ATP12A: variants seen among roughly 807,000 people sequenced by gnomAD.
The protein encoded by ATP12A is potassium-transporting ATPase alpha chain 2.
ATP12A carries 81 observed loss-of-function variants against 111.2 expected under a neutral mutation model. That is an observed-to-expected ratio of 0.73 (90% confidence interval 0.61 to 0.88). ATP12A has a LOEUF of 0.88. ATP12A is among the 40% of genes least tolerant of loss of function. The probability of loss-of-function intolerance (pLI) is 0.00; values close to 1 mark genes in which losing one functional copy is unlikely to be tolerated. For missense variants in ATP12A, 1,196 were observed against 1,313.1 expected (o/e 0.91, Z 1.38); for synonymous variants, 498 against 499.8 (o/e 1.00, Z 0.05).
intron 18 of ATP12A, 53 bp from the exon 19 acceptor site, chr13:24,709,630 C>G: frequency 6.2e-7 from 1 of 1,602,242 alleles, no homozygotes; most frequent in Non-Finnish European, 8.5e-7. Context: ...CAGGATGAGG[C>G]AGTTTCCTGA....
intron 13 of ATP12A, among the ~76,000 whole-genome samples, chr13:24,701,551 GA>G (rs1875398979): frequency 6.9e-6 from 1 of 145,752 alleles, no homozygotes; most frequent in African/African-American, 2.5e-5. Context: ...AAAAAAGAAA[GA>G]AAAAAGGCTT....
At position 24,711,303 on chromosome 13, in the gene ATP12A, T is replaced by C. The variant is rs1224576406; in HGVS notation, c.3000-15T>C. The C allele has an allele frequency of 6.3e-6, 10 of 1,584,202 alleles. No individual in the cohort carries two copies. The highest frequency in any genetic ancestry group is 8.6e-6 in the Non-Finnish European group (10 of 1,163,492). On this transcript the variant is annotated splice_polypyrimidine_tract_variant and intron_variant, in intron 21 of 22. Transcript: ENST00000381946. ...TGGATGAGTCAGGGTTCACTTTCCA[T>C]CCCTTTGCTTCCAGGGCTCAGTACT...
At chr13:24,681,755 A>ATGGCCCTTCCCCGCAAGAGCT in intron 2 of ATP12A, 35 bp downstream of exon 2, 2 of 1,612,864 alleles carry the variant, frequency 1.2e-6, no homozygotes, top group Non-Finnish European at 8.5e-7. Flanking sequence ...CCTGCCGGCT[A>ATGGCCCTTCCCCGCAAGAGCT]TGGCCCTTCC....
Position 24,709,506 on chromosome 13 carries a change from T to G in ATP12A, c.2617+19T>G. The G allele has an allele frequency of 1.9e-6, 3 of 1,610,964 alleles. No individual in the cohort carries two copies. In the East Asian group the frequency reaches 6.7e-5, roughly 36 times the overall value. On this transcript the variant is annotated intron_variant, in intron 18 of 22. Coordinates refer to ENST00000381946, the MANE Select transcript of ATP12A (RefSeq NM_001676.7). ...CACATTGGTACGATGAGGGCGCGTC[T>G]TCCCCATCACACGAGGGCCTGCCCC...
At chr13:24,709,585 C>T (rs1875871188) in intron 18 of ATP12A, 98 bp downstream of exon 18, 2 of 1,593,540 alleles carry the variant, frequency 1.3e-6, no homozygotes, top group African/African-American at 1.3e-5. Context: ...TCCTGTGGGG[C>T]CTGGGTTGGG....
At chr13:24,694,270 G>A (rs1187876913) in intron 10 of ATP12A, among the ~76,000 whole-genome samples, 174 bp from the exon 11 acceptor site, 1 of 152,154 alleles carries the variant, frequency 6.6e-6, no homozygotes, top group Non-Finnish European at 1.5e-5. Flanking sequence ...AATGCCAGTA[G>A]GTGGCACTGT....
intron 15 of ATP12A, 44 bp from the exon 16 acceptor site, chr13:24,706,979 T>C: frequency 6.5e-7 from 1 of 1,545,556 alleles, no homozygotes; most frequent in East Asian, 2.3e-5. Context: ...TGCAACCCAC[T>C]GGGCCTGCTC....
rs1396950760 is a variant in ATP12A at position 24,708,954 on chromosome 13, AAAGAAAGAAGG to A, written c.2494-407_2494-397del. Among the ~76,000 whole-genome samples the A allele has an allele frequency of 9.8e-4, 119 of 121,120 alleles. 3 individuals carry two copies. Among genetic ancestry groups the A allele is most frequent in the African/African-American group, 3.3e-3 (107 of 32,268 alleles). The allele number at this position is 121,120 out of a possible 152,430, so 79.5% of individuals were successfully genotyped here. On this transcript the variant is annotated intron_variant, in intron 17 of 22. Coordinates refer to ENST00000381946, the MANE Select transcript of ATP12A (RefSeq NM_001676.7). ...GAAAGAAAGAAAGAAAGAAAGAAAG[AAAGAAAGAAGG>A]AAAGAGAAAGAGAAATGAATGCAAA...
intron 4 of ATP12A, among the ~76,000 whole-genome samples, chr13:24,688,803 C>T (rs894884837): frequency 1.3e-5 from 2 of 152,192 alleles, no homozygotes; most frequent in African/African-American, 2.4e-5. Context: ...CTTCCTTTAA[C>T]ACGGAGAGCA....
Position 24,685,460 on chromosome 13 carries a change from A to G in ATP12A, c.228+87A>G. On this transcript the variant is annotated intron_variant, in intron 3 of 22. Coordinates refer to ENST00000381946, the MANE Select transcript of ATP12A (RefSeq NM_001676.7). This position sits in a 1 kb window ranked among gnomAD's most constrained non-coding sequence, Gnocchi z 5.5. Reference sequence around the variant, plus strand: ...TGTGTGGCGGGGGGCTGTGTGGAAGAGTAGCGGCACCTTTAGGAGGAGGGG... The same window carrying G: ...TGTGTGGCGGGGGGCTGTGTGGAAGGGTAGCGGCACCTTTAGGAGGAGGGG... 3.6e-6 allele frequency: 5 copies of G among 1,405,578 alleles called. No homozygotes were observed. The highest frequency in any genetic ancestry group is 5.0e-6 in the Non-Finnish European group (5 of 992,240). 87.1% of individuals were successfully genotyped at this position (1,405,578 alleles called of 1,614,324 possible).
chr13:24,682,200 ATGTGTGTGG>A (rs1347797830), intron 2 of ATP12A, among the ~76,000 whole-genome samples: 10 of 40,324 alleles, frequency 2.5e-4, no homozygotes, highest in Non-Finnish European at 3.3e-4. Context: ...TGTGGTATAT[ATGTGTGTGG>A]TGTGTGTGGT....
Position 24,702,030 on chromosome 13 carries a change from T to G in ATP12A, c.1977T>G (p.Ile659Met). 6.2e-7 allele frequency: 1 copy of G among 1,614,226 alleles called. No homozygotes were observed. The highest frequency in any genetic ancestry group is 8.5e-7 in the Non-Finnish European group (1 of 1,180,036). The change falls in exon 14 of 23, where the codon ATT becomes ATG. Residue 659 changes from isoleucine to methionine, a missense_variant. Around this residue, in one of 3 missense-constraint regions of ATP12A, gnomAD observed 1,126 missense variants for 1,228.5 expected, o/e 0.92. Coordinates refer to ENST00000381946, the MANE Select transcript of ATP12A (RefSeq NM_001676.7). ...ISANSETVED[I>M]AHRLNIAVEQ... ...CCAACAGTGAAACAGTGGAAGACAT[T>G]GCACATCGCCTCAACATTGCTGTGG...
chr13:24,696,796 T>C (rs1875188665), intron 11 of ATP12A, among the ~76,000 whole-genome samples: 1 of 149,822 alleles, frequency 6.7e-6, no homozygotes, highest in Admixed American at 6.6e-5. Flanking sequence ...TCGGAGGTGC[T>C]GTCTGGATGC....
chr13:24,711,829 T>TTG lies in ATP12A; in HGVS notation c.*311_*312dup. 2.3e-6 allele frequency: 1 copy of TTG among 432,844 alleles called. No individual in the cohort carries two copies. The highest frequency in any genetic ancestry group is 2.3e-5 in the South Asian group (1 of 43,832). The allele number at this position is 432,844 out of a possible 1,614,324, so 26.8% of individuals were successfully genotyped here. ...TTGAAACTCCTTGATGTTAATAGTC[T>TTG]TGTGTAACCCAGGCATCTACTGGGG... On this transcript the variant is annotated 3_prime_UTR_variant, in exon 23 of 23. Transcript: ENST00000381946.
In ATP12A at chr13:24,707,340, C is replaced by A; in HGVS notation, c.2400C>A (p.Ala800=). 1 of 1,614,202 alleles carries A rather than the reference C, an allele frequency of 6.2e-7. No individual in the cohort carries two copies. ...TIAYSLTKNI[A]ELCPFLIYII... ...CTTATTCCCTGACCAAGAACATTGC[C>A]GAGCTGTGCCCCTTTCTGATCTACA... The change falls in exon 17 of 23, where the codon GCC becomes GCA. Residue 800 remains alanine, a synonymous_variant. Transcript: ENST00000381946.
At chr13:24,694,866 C>A (rs1057277401) in intron 11 of ATP12A, among the ~76,000 whole-genome samples, 1 of 32,540 alleles carries the variant, frequency 3.1e-5, no homozygotes, top group Non-Finnish European at 6.2e-5. Flanking sequence ...CTCTCTCACA[C>A]ACACACACAC....
rs1297331717 is a variant in ATP12A, at chr13:24,707,322, C to T, written c.2382C>T (p.Ser794=). 1 of 1,614,226 alleles carries T rather than the reference C, an allele frequency of 6.2e-7. No homozygotes were observed. The highest frequency in any genetic ancestry group is 1.7e-5 in the Admixed American group (1 of 60,032). Residue 794 remains serine (S), a synonymous_variant, in exon 17 of 23, where the codon TCC becomes TCT. Coordinates refer to ENST00000381946, the MANE Select transcript of ATP12A (RefSeq NM_001676.7). ...ACCTCAAGAAGACTATTGCTTATTC[C>T]CTGACCAAGAACATTGCCGAGCTGT... ...FDNLKKTIAY[S]LTKNIAELCP...
At chr13:24,710,353 T>G (rs1875907285) in intron 19 of ATP12A, 107 bp from the exon 20 acceptor site, 2 of 1,384,912 alleles carry the variant, frequency 1.4e-6, no homozygotes, top group South Asian at 1.4e-5. Context: ...CCATTCTCAG[T>G]CCGGGTGAGG....
intron 4 of ATP12A, 121 bp downstream of exon 4, chr13:24,688,643 C>A: frequency 3.0e-6 from 3 of 1,014,950 alleles, no homozygotes; most frequent in Non-Finnish European, 4.1e-6. Context: ...ATTTTCCCAG[C>A]TGTAAAACAG....
Sources: gnomAD v4.1 joint callset for allele counts (sites outside exome capture counted in the v4.1 genomes callset) on GRCh38, gnomAD v4.1.1 for gene constraint, gnomAD v4.1.1 regional missense constraint, Gnocchi (gnomAD v3.1) non-coding constraint, MANE v1.5 for transcripts, NCBI Gene and HGNC (gene_info 2026-07-23, HGNC 2026-07-21) for gene names.